Variants in M1AP observed in about 807,000 individuals in gnomAD.
M1AP encodes meiosis 1 associated protein, also known as meiosis 1 arrest protein.
A neutral mutation model predicts 51.2 loss-of-function variants in M1AP; 39 were observed. The observed-to-expected ratio is 0.76, with a 90% CI of 0.59 to 1.00. M1AP has a LOEUF of 1.00. M1AP is among the 50% of genes least tolerant of loss of function. M1AP has a pLI of 0.00. For synonymous variants in M1AP, 251 were observed against 249.2 expected (o/e 1.01, Z -0.07); for missense variants, 545 against 641.2 (o/e 0.85, Z 1.62).
Position 74,605,854 on chromosome 2 carries a change from T to TC in M1AP, c.595+1200dup, listed in dbSNP as rs973023186. On this transcript the variant is annotated intron_variant, in intron 4 of 10. Transcript: ENST00000421985. ...AGGCGGAGCTTGCAGTGAGCCGAGATCGCGCCACCGCACTCCAGCCTGGGC... is the reference window on the plus strand; with the variant it reads ...AGGCGGAGCTTGCAGTGAGCCGAGATCCGCGCCACCGCACTCCAGCCTGGGC... 6.6e-4 allele frequency among the ~76,000 whole-genome samples: 99 copies of TC among 150,258 alleles called. 2 individuals carry two copies. Among genetic ancestry groups the TC allele is most frequent in the African/African-American group, 2.4e-3 (97 of 40,678 alleles).
chr2:74,633,717 C>G (rs1191269230), intron 2 of M1AP, among the ~76,000 whole-genome samples: 1 of 152,100 alleles, frequency 6.6e-6, no homozygotes, highest in East Asian at 1.9e-4. Flanking sequence ...TTGTGTTGGT[C>G]CTCAGTAAAG....
At chr2:74,639,367 T>C (rs1424502392) in intron 2 of M1AP, among the ~76,000 whole-genome samples, 3 of 152,240 alleles carry the variant, frequency 2.0e-5, no homozygotes, top group African/African-American at 7.2e-5. Context: ...AGGAAGGAGA[T>C]GCATAGAACC....
intron 8 of M1AP, chr2:74,561,935 T>C: frequency 1.0e-6 from 1 of 985,398 alleles, no homozygotes; most frequent in African/African-American, 1.7e-5. Flanking sequence ...ATGGCTCTAA[T>C]TCCCAGTCAT....
At chr2:74,627,429 C>T (rs1010843904) in intron 2 of M1AP, among the ~76,000 whole-genome samples, 36 of 152,008 alleles carry the variant, frequency 2.4e-4, no homozygotes, top group African/African-American at 8.5e-4. Flanking sequence ...TCAAATAATC[C>T]GCAAATAACA....
At chr2:74,634,630 G>GTC (rs1682877400) in intron 2 of M1AP, among the ~76,000 whole-genome samples, 1 of 152,086 alleles carries the variant, frequency 6.6e-6, no homozygotes, top group African/African-American at 2.4e-5. Context: ...TCTTTGTCTT[G>GTC]TCTCAATCTT....
intron 4 of M1AP, among the ~76,000 whole-genome samples, chr2:74,591,068 C>T (rs910291982): frequency 6.6e-6 from 1 of 152,156 alleles, no homozygotes; most frequent in African/African-American, 2.4e-5. Flanking sequence ...GAAATAATGA[C>T]ACTTGACTCC....
intron 2 of M1AP, among the ~76,000 whole-genome samples, chr2:74,632,534 A>G (rs1334389531): frequency 1.1e-4 from 16 of 151,662 alleles, no homozygotes; most frequent in Admixed American, 1.1e-3. Flanking sequence ...CCTCCCCTCA[A>G]CCCCAGGGTG....
chr2:74,646,128 CAA>C (rs1683599497), intron 1 of M1AP, among the ~76,000 whole-genome samples: 3 of 152,146 alleles, frequency 2.0e-5, no homozygotes, highest in African/African-American at 4.8e-5. Context: ...TCACTTCTTT[CAA>C]AGTCTGTTGG....
chr2:74,611,467 G>A (rs1484489830), intron 3 of M1AP, among the ~76,000 whole-genome samples: 1 of 152,086 alleles, frequency 6.6e-6, no homozygotes, highest in Non-Finnish European at 1.5e-5. Flanking sequence ...TTGACATATA[G>A]TTCTTCAAAA....
Position 74,607,104 on chromosome 2 carries a change from G to A in M1AP, c.546C>T (p.Ile182=). The change falls in exon 4 of 11, where the codon ATC becomes ATT. Residue 182 remains isoleucine (I), a synonymous_variant. Transcript: ENST00000421985. ...GAGACGCTGAGTCCACGTGCTCTAG[G>A]ATTCCCTTTGTGACCTCAACGACCT... ...RFQVVEVTKG[I]LEHVDSASPV... 6.2e-7 allele frequency: 1 copy of A among 1,614,122 alleles called. No individual in the cohort carries two copies. The highest frequency in any genetic ancestry group is 8.5e-7 in the Non-Finnish European group (1 of 1,180,008).
At chr2:74,637,665 A>C (rs935979781) in intron 2 of M1AP, among the ~76,000 whole-genome samples, 1 of 152,180 alleles carries the variant, frequency 6.6e-6, no homozygotes, top group African/African-American at 2.4e-5. Context: ...TTTATGCCCT[A>C]CTACTGAGGC....
chr2:74,566,652 C>CG (rs1262739692), intron 7 of M1AP, among the ~76,000 whole-genome samples: 30 of 148,916 alleles, frequency 2.0e-4, no homozygotes, highest in African/African-American at 7.2e-4. Flanking sequence ...TCCCCCCCAC[C>CG]CGCCCAGATG....
At chr2:74,619,012 C>T (rs1681848387) in intron 2 of M1AP, 1 of 522,328 alleles carries the variant, frequency 1.9e-6, no homozygotes, top group Non-Finnish European at 3.9e-6. Context: ...TGCATATTTT[C>T]ACGTCTGTAC....
At chr2:74,636,052 G>C (rs1296819998) in intron 2 of M1AP, among the ~76,000 whole-genome samples, 1 of 151,700 alleles carries the variant, frequency 6.6e-6, no homozygotes, top group Non-Finnish European at 1.5e-5. Context: ...GTTGAGAGAG[G>C]GACACTGAAT....
chr2:74,572,384 G>T (rs1051819341), intron 7 of M1AP, among the ~76,000 whole-genome samples: 1 of 152,110 alleles, frequency 6.6e-6, no homozygotes, highest in Non-Finnish European at 1.5e-5. Flanking sequence ...GCAGTGGTGC[G>T]ATCATGGGTC....
intron 7 of M1AP, among the ~76,000 whole-genome samples, chr2:74,566,721 C>T (rs914774274): frequency 1.8e-4 from 27 of 151,458 alleles, no homozygotes; most frequent in African/African-American, 6.6e-4. Context: ...CATCACCCCA[C>T]TCTCAGCTTG....
chr2:74,641,633 A>C (rs1040943164), intron 1 of M1AP, among the ~76,000 whole-genome samples: 1 of 150,548 alleles, frequency 6.6e-6, no homozygotes, highest in Admixed American at 6.6e-5. Context: ...AAGACCAAGA[A>C]TTTCAATCTT....
At chr2:74,597,576 T>C (rs565993457) in intron 4 of M1AP, among the ~76,000 whole-genome samples, 3 of 152,270 alleles carry the variant, frequency 2.0e-5, no homozygotes, top group African/African-American at 4.8e-5. Context: ...AGAACACATA[T>C]GGAGAAAATA....
At chr2:74,586,054 A>G (rs1679685696) in intron 4 of M1AP, among the ~76,000 whole-genome samples, 2 of 152,130 alleles carry the variant, frequency 1.3e-5, no homozygotes, top group African/African-American at 4.8e-5. Flanking sequence ...GATGGCTCAG[A>G]CTATTTCCTC....
Sources: allele counts gnomAD v4.1 joint callset (sites outside exome capture counted in the v4.1 genomes callset), GRCh38; gene constraint gnomAD v4.1.1; transcripts MANE v1.5; gene names NCBI Gene and HGNC (gene_info 2026-07-23, HGNC 2026-07-21).